Variants in COL6A3 observed in about 807,000 individuals in gnomAD.
COL6A3 encodes the protein collagen type VI alpha 3 chain.
In COL6A3, 137 loss-of-function variants were observed where a neutral mutation model predicts 274.1. The observed-to-expected ratio is 0.50, with a 90% CI of 0.44 to 0.58. The LOEUF is 0.58. Ranked by LOEUF, COL6A3 falls within the 20% of genes least tolerant of loss-of-function variation. The probability of loss-of-function intolerance (pLI) is 0.00; values close to 1 mark genes in which losing one functional copy is unlikely to be tolerated. For missense variants in COL6A3, 3,950 were observed against 4,124.9 expected, an observed-to-expected ratio of 0.96 and a Z score of 1.16; for synonymous variants, 1,650 against 1,650.6, an observed-to-expected ratio of 1.00 and a Z score of 0.01.
chr2:237,350,227 G>A lies in COL6A3; in HGVS notation c.6817-18C>T. 6.2e-7 allele frequency: 1 copy of A among 1,613,796 alleles called. No individual in the cohort carries two copies. Among genetic ancestry groups the A allele is most frequent in the Non-Finnish European group, 8.5e-7 (1 of 1,179,754 alleles). On this transcript the variant is annotated intron_variant, in intron 27 of 43. Transcript: ENST00000295550. ...GGCTCACCCTAGACATGAGAAACAT[G>A]GCTGAGACCCTGTGGCCTGGGGCTG...
chr2:237,412,551 GC>G (rs2078882704), intron 1 of COL6A3, among the ~76,000 whole-genome samples: 1 of 152,206 alleles, frequency 6.6e-6, no homozygotes, highest in South Asian at 2.1e-4. Context: ...TGCATCAGTG[GC>G]TTCTGACCAA....
rs544422173 is a variant in COL6A3, at chr2:237,411,272, C to G, written c.-31+2681G>C. Among the ~76,000 whole-genome samples the G allele has an allele frequency of 6.6e-5, 10 of 152,300 alleles. 1 individual carries two copies. In the South Asian group the frequency reaches 2.1e-3, roughly 32 times the overall value. Reference sequence around the variant, plus strand: ...TTTCAAATAAAAATTTTTGCTAAAGCTGTTACTGCGCCTGCAAGGAAGTGT... The same window carrying G: ...TTTCAAATAAAAATTTTTGCTAAAGGTGTTACTGCGCCTGCAAGGAAGTGT... On this transcript the variant is annotated intron_variant, in intron 1 of 43. Coordinates refer to ENST00000295550, the MANE Select transcript of COL6A3 (RefSeq NM_004369.4).
intron 1 of COL6A3, among the ~76,000 whole-genome samples, chr2:237,400,360 C>T (rs921210552): frequency 6.6e-6 from 1 of 152,052 alleles, no homozygotes; most frequent in Admixed American, 6.6e-5. Context: ...AATAATTTGG[C>T]AATTCCCTGA....
chr2:237,366,631 A>C (rs763516048), intron 11 of COL6A3, 56 bp downstream of exon 11: 6 of 1,614,004 alleles, frequency 3.7e-6, no homozygotes, highest in Non-Finnish European at 5.1e-6. Flanking sequence ...CAGACAGCTA[A>C]AGAGGCACAA....
At chr2:237,334,034 A>T (rs1700399975) in intron 41 of COL6A3, among the ~76,000 whole-genome samples, 1 of 152,154 alleles carries the variant, frequency 6.6e-6, no homozygotes, top group African/African-American at 2.4e-5. Context: ...AAGATGAGAG[A>T]GGGGACCATG....
intron 14 of COL6A3, 109 bp downstream of exon 14, chr2:237,363,142 GGC>G (rs2077474213): frequency 1.9e-6 from 2 of 1,037,676 alleles, no homozygotes; most frequent in African/African-American, 5.4e-5. Flanking sequence ...TATCTACCAA[GGC>G]CCCCCCCCCA....
chr2:237,375,074 T>C (rs2077801756), intron 7 of COL6A3, 54 bp from the exon 8 acceptor site: 1 of 1,608,044 alleles, frequency 6.2e-7, no homozygotes, highest in African/African-American at 1.3e-5. Context: ...AGCAATTTCA[T>C]ATCAACGAGG....
intron 39 of COL6A3, 130 bp downstream of exon 39, chr2:237,338,885 C>A: frequency 1.4e-6 from 1 of 708,230 alleles, no homozygotes; most frequent in South Asian, 1.7e-5. Context: ...AAGCATGACC[C>A]ACATTACCTT....
At chr2:237,357,689 C>T in intron 22 of COL6A3, 128 bp downstream of exon 22, 2 of 984,022 alleles carry the variant, frequency 2.0e-6, no homozygotes, top group South Asian at 1.3e-5. Context: ...GACTCTGCTG[C>T]TAATCTTAGG....
At chr2:237,396,693 T>C in intron 2 of COL6A3, 34 bp downstream of exon 2, 5 of 1,602,772 alleles carry the variant, frequency 3.1e-6, no homozygotes, top group Non-Finnish European at 3.4e-6. Flanking sequence ...ATGATATTCC[T>C]TTTTACAAAA....
intron 1 of COL6A3, among the ~76,000 whole-genome samples, chr2:237,405,446 C>A (rs2078696030): frequency 6.6e-6 from 1 of 152,090 alleles, no homozygotes; most frequent in African/African-American, 2.4e-5. Context: ...CAGATGACCA[C>A]CCGCCCTCTT....
At chr2:237,338,904 CACAT>C (rs1700683449) in intron 39 of COL6A3, 107 bp downstream of exon 39, 1 of 798,114 alleles carries the variant, frequency 1.3e-6, no homozygotes, top group African/African-American at 1.7e-5. Flanking sequence ...TTTGGGAAGT[CACAT>C]TTTCTGGATT....
Position 237,367,059 on chromosome 2 carries a change from C to A in COL6A3, c.5128G>T (p.Val1710Phe). 2 of 1,614,232 alleles carry A rather than the reference C, an allele frequency of 1.2e-6. No homozygotes were observed. The highest frequency in any genetic ancestry group is 1.1e-5 in the South Asian group (1 of 91,086). ...RQIIDAINKV[V>F]YKGGRHANTK... Reference sequence around the variant, plus strand: ...TTGGCGTGTCTTCCCCCTTTGTAGACCACTTTGTTGATGGCGTCAATAATC... The same window carrying A: ...TTGGCGTGTCTTCCCCCTTTGTAGAACACTTTGTTGATGGCGTCAATAATC... The change falls in exon 11 of 44, where the codon GTC (valine) becomes TTC (phenylalanine). Residue 1710 changes from valine to phenylalanine, a missense_variant. Around this residue, in one of 5 missense-constraint regions of COL6A3, gnomAD observed 632 missense variants for 623.4 expected, o/e 1.01. Transcript: ENST00000295550.
intron 1 of COL6A3, among the ~76,000 whole-genome samples, chr2:237,400,105 T>A (rs1363170700): frequency 6.6e-6 from 1 of 152,252 alleles, no homozygotes; most frequent in African/African-American, 2.4e-5. Flanking sequence ...CTTAAGAAAC[T>A]GAAATACATA....
intron 16 of COL6A3, among the ~76,000 whole-genome samples, chr2:237,360,548 G>A (rs2106342800): frequency 6.6e-6 from 1 of 152,238 alleles, no homozygotes; most frequent in African/African-American, 2.4e-5. Context: ...GGGCCCTGGT[G>A]ACCACACTGT....
intron 39 of COL6A3, 108 bp from the exon 40 acceptor site, chr2:237,336,640 T>C (rs1335323658): frequency 1.8e-6 from 2 of 1,110,010 alleles, no homozygotes; most frequent in Non-Finnish European, 2.7e-6. Context: ...ATGCATGCAA[T>C]AGTTTTTATA....
chr2:237,378,387 T>C (rs1328389319), intron 6 of COL6A3, among the ~76,000 whole-genome samples: 2 of 152,224 alleles, frequency 1.3e-5, no homozygotes, highest in Admixed American at 1.3e-4. Context: ...AAAATCCTTC[T>C]GAATAAAGGG....
rs1351246573 is a variant in COL6A3 at position 237,365,771 on chromosome 2, G to C, written c.5765C>G (p.Pro1922Arg). 4.3e-6 allele frequency: 7 copies of C among 1,614,202 alleles called. No homozygotes were observed. Among genetic ancestry groups the C allele is most frequent in the African/African-American group, 1.3e-5 (1 of 75,042 alleles). The change falls in exon 12 of 44, where the codon CCC becomes CGC. Residue 1922 changes from proline to arginine, a missense_variant. Physicochemically the swap from Pro to Arg is moderately radical, Grantham distance 103. Around this residue, in one of 5 missense-constraint regions of COL6A3, gnomAD observed 632 missense variants for 623.4 expected, o/e 1.01. Transcript: ENST00000295550. ...EKFRNMRSQH[P>R]YVLTEDTLKV... Reference sequence around the variant, plus strand: ...CAGGGTGTCCTCCGTGAGGACGTAGGGGTGCTGGCTGCGCATGTTCCGGAA... The same window carrying C: ...CAGGGTGTCCTCCGTGAGGACGTAGCGGTGCTGGCTGCGCATGTTCCGGAA...
Position 237,394,667 on chromosome 2 carries a change from A to C in COL6A3, c.629T>G (p.Val210Gly). ...LENFTSLHDI[V>G]GNLVSCVHSS... is the part of the protein sequence containing the mutation. ...ATGCACACAGGACACTAAGTTTCCT[A>C]CTATGTCATGAAGTGAGGTAAAATT... is the stretch of plus-strand genomic sequence containing the variant. The change falls in exon 3 of 44, where the codon GTA (valine) becomes GGA (glycine). Residue 210 changes from valine to glycine, a missense_variant. This residue lies in a region of COL6A3 where 1,934 missense variants were observed against 1,984.3 expected (regional missense o/e 0.97). Transcript: ENST00000295550. The C allele has an allele frequency of 6.2e-7, 1 of 1,614,198 alleles. No homozygotes were observed. Among genetic ancestry groups the C allele is most frequent in the Non-Finnish European group, 8.5e-7 (1 of 1,180,026 alleles).
Sources: allele counts gnomAD v4.1 joint callset (sites outside exome capture counted in the v4.1 genomes callset), GRCh38; gene constraint gnomAD v4.1.1; regional missense constraint gnomAD v4.1.1; transcripts MANE v1.5; gene names NCBI Gene and HGNC (gene_info 2026-07-23, HGNC 2026-07-21).